Variants in KLHL1 observed in about 807,000 individuals in gnomAD.
KLHL1 encodes kelch like family member 1, also known as kelch-like protein 1.
Under a neutral mutation model 77.7 loss-of-function variants are expected in KLHL1, and 47 were observed. The observed-to-expected ratio is 0.60, with a 90% CI of 0.48 to 0.77. The LOEUF (loss-of-function observed/expected upper bound fraction) is 0.77, where lower values mean the gene tolerates loss of function less well. KLHL1 is among the 30% of genes least tolerant of loss of function. KLHL1 has a pLI of 0.00. For synonymous variants in KLHL1, 360 were observed against 325.2 expected, an observed-to-expected ratio of 1.11 and a Z score of -1.15; for missense variants, 925 against 910.8, an observed-to-expected ratio of 1.02 and a Z score of -0.20.
At chr13:70,057,232 T>G (rs560501441) in intron 1 of KLHL1, among the ~76,000 whole-genome samples, 1 of 152,002 alleles carries the variant, frequency 6.6e-6, no homozygotes, top group African/African-American at 2.4e-5. Flanking sequence ...GATTGAACCA[T>G]GAAGGAATCC....
intron 6 of KLHL1, among the ~76,000 whole-genome samples, chr13:69,816,972 AT>A (rs1264879070): frequency 6.6e-6 from 1 of 151,774 alleles, no homozygotes; most frequent in African/African-American, 2.4e-5. Flanking sequence ...TAGTAAAAAA[AT>A]AAATAAATAA....
At chr13:69,714,021 T>A (rs1161526302) in intron 9 of KLHL1, among the ~76,000 whole-genome samples, 1 of 152,168 alleles carries the variant, frequency 6.6e-6, no homozygotes, top group South Asian at 2.1e-4. Context: ...CTATTTTAAA[T>A]GTGTAGTCTT....
At chr13:69,815,773 G>A in intron 6 of KLHL1, among the ~76,000 whole-genome samples, 1 of 151,990 alleles carries the variant, frequency 6.6e-6, no homozygotes, top group East Asian at 1.9e-4. Flanking sequence ...TTTACTTCTA[G>A]GTGGCCCAAG....
chr13:69,740,667 GA>G (rs200329193), intron 7 of KLHL1, 111 bp from the exon 8 acceptor site: 46 of 681,120 alleles, frequency 6.8e-5, no homozygotes, highest in Non-Finnish European at 8.1e-5. Flanking sequence ...ATAATAAAAT[GA>G]AAAAAAATTA....
intron 6 of KLHL1, among the ~76,000 whole-genome samples, chr13:69,800,301 T>A (rs1877317987): frequency 1.3e-5 from 2 of 152,282 alleles, no homozygotes; most frequent in Middle Eastern, 6.8e-3. Context: ...TTTATCCCAC[T>A]CTTTCTGTGT....
chr13:69,848,357 C>T (rs1272062440), intron 5 of KLHL1, among the ~76,000 whole-genome samples: 1 of 151,442 alleles, frequency 6.6e-6, no homozygotes, highest in Non-Finnish European at 1.5e-5. Context: ...ACTAACTCTA[C>T]CATTGTCAAT....
intron 1 of KLHL1, among the ~76,000 whole-genome samples, chr13:70,011,614 T>C (rs914135301): frequency 1.3e-5 from 2 of 152,162 alleles, no homozygotes; most frequent in Admixed American, 6.6e-5. Flanking sequence ...CTTGATAGTA[T>C]TGCTCTGAAA....
Position 69,894,757 on chromosome 13 carries a change from A to G in KLHL1, c.1015-12262T>C, listed in dbSNP as rs1189933514. 5 of 215,542 alleles carry G rather than the reference A, an allele frequency of 2.3e-5. No homozygotes were observed. The Admixed American group carries it at 2.7e-4, about 12-fold the overall frequency. The allele number at this position is 215,542 out of a possible 1,614,324, so 13.4% of individuals were successfully genotyped here. The stretch of plus-strand genomic sequence containing the variant: ...TAGAGGACTTGATATTCATATTTTC[A>G]TAACATTCAGGATGTGTGAGAGGAA... On this transcript the variant is annotated intron_variant, in intron 4 of 10. Coordinates refer to ENST00000377844, the MANE Select transcript of KLHL1 (RefSeq NM_020866.3).
intron 8 of KLHL1, among the ~76,000 whole-genome samples, chr13:69,731,315 A>G (rs1873534119): frequency 6.6e-6 from 1 of 152,198 alleles, no homozygotes; most frequent in Admixed American, 6.5e-5. Flanking sequence ...TACTTTTAGA[A>G]AATTTGCAGA....
rs181098524 is a variant in KLHL1, at chr13:69,964,870, T to C, written c.681-3426A>G. 3.3e-5 allele frequency among the ~76,000 whole-genome samples: 5 copies of C among 152,306 alleles called. No homozygotes were observed. In the East Asian group the frequency reaches 9.7e-4, roughly 29 times the overall value. ...GGGTCATCTCTTGGTCAATTTCCAT[T>C]GACTGATTTTTGTTTGAACCATCAA... On this transcript the variant is annotated intron_variant, in intron 2 of 10. Coordinates refer to ENST00000377844, the MANE Select transcript of KLHL1 (RefSeq NM_020866.3).
rs868123559 is a variant in KLHL1, at chr13:69,712,959, G to A, written c.2016-5163C>T. On this transcript the variant is annotated intron_variant, in intron 9 of 10. Coordinates refer to ENST00000377844, the MANE Select transcript of KLHL1 (RefSeq NM_020866.3). Reference sequence around the variant, plus strand: ...AGAGTAGCTGGGACTACAGGCATGTGCCACCATGCCTAGCTAATTTTTTAT... The same window carrying A: ...AGAGTAGCTGGGACTACAGGCATGTACCACCATGCCTAGCTAATTTTTTAT... Among the ~76,000 whole-genome samples, 6 of 151,856 alleles carry A rather than the reference G, an allele frequency of 4.0e-5. 1 individual carries two copies. The Middle Eastern group carries it at 0.01, about 258-fold the overall frequency.
intron 1 of KLHL1, among the ~76,000 whole-genome samples, chr13:70,050,394 TAA>T (rs1277797622): frequency 6.6e-6 from 1 of 151,790 alleles, no homozygotes; most frequent in Non-Finnish European, 1.5e-5. Context: ...ATATTAAAAT[TAA>T]GTTTGAATTT....
At chr13:69,946,456 A>T (rs2137247639) in intron 3 of KLHL1, among the ~76,000 whole-genome samples, 1 of 152,264 alleles carries the variant, frequency 6.6e-6, no homozygotes. Context: ...GAAAAATCAA[A>T]CAAATATATG....
chr13:69,843,550 T>C (rs1316716485), intron 5 of KLHL1, among the ~76,000 whole-genome samples: 1 of 151,736 alleles, frequency 6.6e-6, no homozygotes, highest in Non-Finnish European at 1.5e-5. Flanking sequence ...TATGCCTTCT[T>C]GACTTCAGTA....
At chr13:70,034,980 A>T (rs61964238) in intron 1 of KLHL1, among the ~76,000 whole-genome samples, 60,715 of 151,902 alleles carry the variant, frequency 0.4, 12,394 homozygotes, top group East Asian at 0.69. Context: ...AAATAAAGTG[A>T]TTTTTGTAGT....
chr13:69,779,165 T>C (rs186156306), intron 7 of KLHL1, among the ~76,000 whole-genome samples: 2 of 152,210 alleles, frequency 1.3e-5, no homozygotes, highest in East Asian at 3.9e-4. Flanking sequence ...AAATCTTCAA[T>C]AAATGTTTAT....
chr13:69,983,606 GA>G (rs57184525), intron 1 of KLHL1, among the ~76,000 whole-genome samples: 5,455 of 95,912 alleles, frequency 0.057, 289 homozygotes, highest in African/African-American at 0.17. Context: ...AAGAAGAAGA[GA>G]AAAAAAAAAA....
intron 6 of KLHL1, among the ~76,000 whole-genome samples, chr13:69,802,767 T>A (rs1426419299): frequency 3.9e-5 from 6 of 151,920 alleles, no homozygotes; most frequent in Non-Finnish European, 7.4e-5. Context: ...GGACAGGAAT[T>A]GCTCAGTCAG....
At chr13:70,046,597 C>T (rs746815929) in intron 1 of KLHL1, among the ~76,000 whole-genome samples, 5 of 152,328 alleles carry the variant, frequency 3.3e-5, no homozygotes, top group East Asian at 1.9e-4. Context: ...AAGCGATTCG[C>T]GTGCTTCAGC....
Sources: allele counts gnomAD v4.1 joint callset (sites outside exome capture counted in the v4.1 genomes callset), GRCh38; gene constraint gnomAD v4.1.1; transcripts MANE v1.5; gene names NCBI Gene and HGNC (gene_info 2026-07-23, HGNC 2026-07-21).